CDKL5: variants seen among roughly 807,000 people sequenced by gnomAD.
The protein encoded by CDKL5 is cyclin dependent kinase like 5.
CDKL5 carries 8 observed loss-of-function variants against 61.7 expected under a neutral mutation model. That is an observed-to-expected ratio of 0.13 (90% confidence interval 0.08 to 0.23). CDKL5 has a LOEUF of 0.23. Among genes scored for constraint, CDKL5 ranks in the 10% least tolerant of loss-of-function variants. CDKL5 has a pLI of 1.00. For missense variants in CDKL5, 440 were observed against 734.5 expected (o/e 0.60, Z 4.63); for synonymous variants, 275 against 272.3 (o/e 1.01, Z -0.10).
chrX:18,579,184 A>G (rs1925393512), intron 5 of CDKL5, among the ~76,000 whole-genome samples: 1 of 111,760 alleles, frequency 8.9e-6, no homozygotes, highest in African/African-American at 3.2e-5. Flanking sequence ...AGAAAGGAGA[A>G]TGGTTAATCT....
intron 14 of CDKL5, among the ~76,000 whole-genome samples, chrX:18,610,013 A>G (rs758412762): frequency 2.2e-4 from 25 of 112,192 alleles, no homozygotes; most frequent in African/African-American, 8.1e-4. Context: ...ATAGAGCAGT[A>G]AAAGATATTA....
At position 18,573,761 on chromosome X, in the gene CDKL5, T is replaced by TA. The variant is rs766873862; in HGVS notation, c.146-1590dup. ...CAGTGTTCTCCAACAGCTTTCTGGC[T>TA]AAAGTAGAATACTTCATTTATGTAA... On this transcript the variant is annotated intron_variant, in intron 4 of 17. Coordinates refer to ENST00000623535, the MANE Select transcript of CDKL5 (RefSeq NM_001323289.2). Among the ~76,000 whole-genome samples, 4 of 112,342 alleles carry TA rather than the reference T, an allele frequency of 3.6e-5. No homozygotes were observed. The South Asian group carries it at 1.5e-3, about 42-fold the overall frequency.
intron 3 of CDKL5, 138 bp from the exon 4 acceptor site, chrX:18,564,339 C>T (rs988416651): frequency 5.4e-5 from 18 of 331,960 alleles, no homozygotes; most frequent in Non-Finnish European, 8.4e-5. Flanking sequence ...TGAGAGGTGG[C>T]GGGGGAGAGG....
At chrX:18,471,249 A>T (rs1280280527) in intron 1 of CDKL5, among the ~76,000 whole-genome samples, 2 of 111,728 alleles carry the variant, frequency 1.8e-5, no homozygotes, top group Non-Finnish European at 1.9e-5. Flanking sequence ...CTTTTGATAC[A>T]GGTATACAAT....
chrX:18,624,988 A>T, intron 16 of CDKL5, 140 bp from the exon 17 acceptor site: 2 of 559,949 alleles, frequency 3.6e-6, no homozygotes, highest in Non-Finnish European at 6.3e-6. Flanking sequence ...ATTGGGAGAG[A>T]TTGGGGTTCT....
chrX:18,433,104 T>G (rs1362672792), intron 1 of CDKL5, among the ~76,000 whole-genome samples: 1 of 107,793 alleles, frequency 9.3e-6, no homozygotes, highest in Non-Finnish European at 1.9e-5. Context: ...GGTGTGCACC[T>G]GTAGGCCCAA....
At chrX:18,504,248 G>T (rs942643166) in intron 1 of CDKL5, among the ~76,000 whole-genome samples, 1 of 110,467 alleles carries the variant, frequency 9.1e-6, no homozygotes, top group African/African-American at 3.3e-5. Flanking sequence ...TGCCCACCAG[G>T]CTAGGTTTTT....
At chrX:18,430,467 G>A (rs1360823094) in intron 1 of CDKL5, among the ~76,000 whole-genome samples, 1 of 111,382 alleles carries the variant, frequency 9.0e-6, no homozygotes, top group Non-Finnish European at 1.9e-5. Context: ...TTTTTGAGAT[G>A]GAGTCTCGCT....
chrX:18,473,807 G>T (rs1379520563), intron 1 of CDKL5, among the ~76,000 whole-genome samples: 1 of 108,234 alleles, frequency 9.2e-6, no homozygotes. Flanking sequence ...ATGCCTCCCG[G>T]ATTCAAGCAA....
chrX:18,497,824 C>CTTCCTTTCT (rs2147084723), intron 1 of CDKL5, among the ~76,000 whole-genome samples: 1 of 107,995 alleles, frequency 9.3e-6, no homozygotes, highest in South Asian at 4.1e-4. Context: ...CCCTTTCTTC[C>CTTCCTTTCT]TTCCTTTCTT....
intron 1 of CDKL5, among the ~76,000 whole-genome samples, chrX:18,479,395 C>G (rs1307038356): frequency 9.9e-6 from 1 of 101,146 alleles, no homozygotes; most frequent in African/African-American, 3.6e-5. Context: ...TCTCCGCTCA[C>G]TGCAAGCTCC....
At chrX:18,652,119 A>G (rs955388692) in intron 21 of CDKL5, among the ~76,000 whole-genome samples, 7 of 110,609 alleles carry the variant, frequency 6.3e-5, no homozygotes, top group Non-Finnish European at 1.3e-4. Flanking sequence ...TTCTCCCCCT[A>G]GCTGAGCAGA....
At chrX:18,439,058 C>G (rs1379590336) in intron 1 of CDKL5, among the ~76,000 whole-genome samples, 1 of 78,543 alleles carries the variant, frequency 1.3e-5, no homozygotes, top group Non-Finnish European at 2.5e-5. Context: ...CCCCCCCCCG[C>G]CCCCCACCAT....
chrX:18,610,067 C>T (rs778795394), intron 14 of CDKL5, among the ~76,000 whole-genome samples: 12 of 105,127 alleles, frequency 1.1e-4, no homozygotes, highest in Non-Finnish European at 2.2e-4. Context: ...ATCCCATTGC[C>T]CACCCCACCC....
chrX:18,565,108 G>A (rs1924925257), intron 4 of CDKL5, among the ~76,000 whole-genome samples: 1 of 112,082 alleles, frequency 8.9e-6, no homozygotes, highest in Non-Finnish European at 1.9e-5. Context: ...ATTACCCCAT[G>A]CTGGGCAAGA....
At chrX:18,595,651 T>C (rs984726526) in intron 10 of CDKL5, among the ~76,000 whole-genome samples, 1 of 112,112 alleles carries the variant, frequency 8.9e-6, no homozygotes, top group African/African-American at 3.2e-5. Context: ...GACCCCTAAA[T>C]GACATTCTTA....
At chrX:18,549,086 AATTT>A (rs775339737) in intron 3 of CDKL5, among the ~76,000 whole-genome samples, 6 of 111,841 alleles carry the variant, frequency 5.4e-5, no homozygotes, top group Non-Finnish European at 1.1e-4. Context: ...ATTGAGCACT[AATTT>A]ATTACCATTT....
intron 3 of CDKL5, among the ~76,000 whole-genome samples, chrX:18,529,159 T>C (rs1421945091): frequency 3.7e-5 from 4 of 109,227 alleles, no homozygotes; most frequent in Non-Finnish European, 7.6e-5. Flanking sequence ...CTCTCCTGTT[T>C]TAGTGTCTAT....
At chrX:18,475,039 C>T (rs1311622815) in intron 1 of CDKL5, among the ~76,000 whole-genome samples, 2 of 106,207 alleles carry the variant, frequency 1.9e-5, no homozygotes, top group African/African-American at 3.4e-5. Context: ...TCACTGCAAC[C>T]GCTACCTCCT....
Sources: allele counts gnomAD v4.1 joint callset (sites outside exome capture counted in the v4.1 genomes callset), GRCh38; gene constraint gnomAD v4.1.1; transcripts MANE v1.5; gene names NCBI Gene and HGNC (gene_info 2026-07-23, HGNC 2026-07-21).